The following ASTN2 variants were observed in gnomAD, a reference collection of about 807,000 sequenced individuals.
The protein encoded by ASTN2 is astrotactin-2.
In ASTN2, 54 loss-of-function variants were observed where a neutral mutation model predicts 139.8. The ratio of observed to expected loss-of-function variants is 0.39; its 90% CI spans 0.31 to 0.48. The LOEUF (loss-of-function observed/expected upper bound fraction) is 0.48. ASTN2 is among the 20% of genes least tolerant of loss of function. The pLI is 0.95. For missense variants in ASTN2, 1,565 were observed against 1,725.1 expected (o/e 0.91, Z 1.64); for synonymous variants, 756 against 719.5 (o/e 1.05, Z -0.81).
At chr9:116,597,569 C>T (rs772476618) in intron 19 of ASTN2, among the ~76,000 whole-genome samples, 6 of 151,966 alleles carry the variant, frequency 3.9e-5, no homozygotes, top group South Asian at 2.1e-4. Context: ...GGATTATAGG[C>T]GTGAACCACC....
chr9:117,051,928 G>A (rs549094651), intron 5 of ASTN2, among the ~76,000 whole-genome samples: 82 of 152,168 alleles, frequency 5.4e-4, no homozygotes, highest in African/African-American at 1.8e-3. Flanking sequence ...GGAAAAAAGA[G>A]GTATTGGTAT....
rs533713312 is a variant in ASTN2, at chr9:117,137,617, C to A, written c.1168+3709G>T. On this transcript the variant is annotated intron_variant, in intron 4 of 22. Coordinates refer to ENST00000313400, the MANE Select transcript of ASTN2 (RefSeq NM_001365068.1). Reference sequence around the variant, plus strand: ...CATTGAGTTAAACAAAGCAGCCTAGCTTTCTGTACTGCAGGACTTCTCAGA... The same window carrying A: ...CATTGAGTTAAACAAAGCAGCCTAGATTTCTGTACTGCAGGACTTCTCAGA... Among the ~76,000 whole-genome samples the A allele has an allele frequency of 3.3e-5, 5 of 152,250 alleles. No homozygotes were observed. The South Asian group carries it at 8.3e-4, about 25-fold the overall frequency.
At chr9:116,832,966 T>G (rs1344788574) in intron 11 of ASTN2, among the ~76,000 whole-genome samples, 3 of 151,794 alleles carry the variant, frequency 2.0e-5, no homozygotes, top group South Asian at 2.1e-4. Flanking sequence ...ATTTATTTTT[T>G]GGGAATTGAC....
chr9:117,380,722 G>A (rs1475432104), intron 1 of ASTN2, among the ~76,000 whole-genome samples: 1 of 152,120 alleles, frequency 6.6e-6, no homozygotes, highest in Non-Finnish European at 1.5e-5. Context: ...AGGCAAATGA[G>A]GTACCACTTC....
intron 1 of ASTN2, among the ~76,000 whole-genome samples, chr9:117,293,180 C>T (rs1247725863): frequency 6.6e-6 from 1 of 152,140 alleles, no homozygotes; most frequent in Non-Finnish European, 1.5e-5. Flanking sequence ...ATCAGAAAAT[C>T]CTTCCAAAGT....
chr9:117,084,175 G>A (rs1279978777), intron 5 of ASTN2, among the ~76,000 whole-genome samples: 2 of 152,060 alleles, frequency 1.3e-5, no homozygotes, highest in African/African-American at 4.8e-5. Flanking sequence ...CGTTAAATAG[G>A]GCCAAATGCA....
intron 10 of ASTN2, among the ~76,000 whole-genome samples, chr9:116,911,701 G>C (rs747533112): frequency 6.6e-6 from 1 of 152,132 alleles, no homozygotes; most frequent in Non-Finnish European, 1.5e-5. Flanking sequence ...TCAGGAGATC[G>C]AGAACATCCT....
chr9:116,576,649 G>T (rs1248483350), intron 19 of ASTN2, among the ~76,000 whole-genome samples: 1 of 152,162 alleles, frequency 6.6e-6, no homozygotes. Context: ...CTCATGTGTT[G>T]TTGGTACTCT....
chr9:116,764,234 C>T (rs1829747842), intron 13 of ASTN2, among the ~76,000 whole-genome samples: 1 of 152,194 alleles, frequency 6.6e-6, no homozygotes, highest in Non-Finnish European at 1.5e-5. Context: ...AGCTGTCAGC[C>T]CTTATGGGGA....
intron 3 of ASTN2, among the ~76,000 whole-genome samples, chr9:117,142,915 G>A (rs994764715): frequency 3.9e-5 from 6 of 152,124 alleles, no homozygotes; most frequent in African/African-American, 1.4e-4. Flanking sequence ...GCTACCTGCT[G>A]TCTGATGCCA....
intron 6 of ASTN2, among the ~76,000 whole-genome samples, chr9:117,016,325 A>G (rs1837673854): frequency 6.6e-6 from 1 of 151,936 alleles, no homozygotes; most frequent in South Asian, 2.1e-4. Context: ...CTGACTCTCC[A>G]AGAGCCACAG....
chr9:117,306,507 T>C (rs1835003141), intron 1 of ASTN2, among the ~76,000 whole-genome samples: 1 of 152,178 alleles, frequency 6.6e-6, no homozygotes, highest in East Asian at 1.9e-4. Context: ...CGCACTTCCC[T>C]TTCTGAACCT....
intron 16 of ASTN2, among the ~76,000 whole-genome samples, chr9:116,655,349 C>T (rs1032008465): frequency 2.6e-5 from 4 of 152,190 alleles, no homozygotes; most frequent in Non-Finnish European, 5.9e-5. Context: ...TTATTCTTCT[C>T]CTGCTTAAAA....
chr9:117,043,838 G>C (rs746643172), intron 5 of ASTN2, among the ~76,000 whole-genome samples: 12 of 150,880 alleles, frequency 8.0e-5, no homozygotes, highest in Non-Finnish European at 1.3e-4. Context: ...AACCCAGGAG[G>C]TGGAGGTTGC....
intron 1 of ASTN2, among the ~76,000 whole-genome samples, chr9:117,326,526 C>T (rs1216467540): frequency 1.3e-5 from 2 of 152,114 alleles, no homozygotes; most frequent in Non-Finnish European, 2.9e-5. Context: ...AAAATGAAAA[C>T]ATCATTTCCC....
chr9:116,911,209 G>C (rs1002779750), intron 10 of ASTN2, among the ~76,000 whole-genome samples: 1 of 152,226 alleles, frequency 6.6e-6, no homozygotes, highest in African/African-American at 2.4e-5. Context: ...CCCAGGATAA[G>C]AGCTTTCCAT....
intron 1 of ASTN2, among the ~76,000 whole-genome samples, chr9:117,333,865 C>A (rs1828792781): frequency 6.6e-6 from 1 of 152,176 alleles, no homozygotes; most frequent in South Asian, 2.1e-4. Context: ...CTCTGAGCCA[C>A]ATGGTGAGTT....
intron 11 of ASTN2, among the ~76,000 whole-genome samples, chr9:116,858,994 T>C (rs963100847): frequency 1.3e-5 from 2 of 152,190 alleles, no homozygotes; most frequent in African/African-American, 4.8e-5. Flanking sequence ...CAGGGTTGCA[T>C]TCCTTTCTGG....
chr9:117,005,534 C>G (rs566246910), intron 7 of ASTN2, among the ~76,000 whole-genome samples: 1 of 152,140 alleles, frequency 6.6e-6, no homozygotes, highest in African/African-American at 2.4e-5. Flanking sequence ...GGAAATGACA[C>G]AGCAAAGGTG....
Sources: gnomAD v4.1 joint callset for allele counts (sites outside exome capture counted in the v4.1 genomes callset) on GRCh38, gnomAD v4.1.1 for gene constraint, MANE v1.5 for transcripts, NCBI Gene and HGNC (gene_info 2026-07-23, HGNC 2026-07-21) for gene names.